Variants in NKAIN3 observed in about 807,000 individuals in gnomAD.
The protein encoded by NKAIN3 is sodium/potassium transporting ATPase interacting 3, also known as sodium/potassium-transporting ATPase subunit beta-1-interacting protein 3.
NKAIN3 carries 25 observed loss-of-function variants against 30.2 expected under a neutral mutation model. The observed-to-expected ratio is 0.83, with a 90% CI of 0.60 to 1.16. The LOEUF (loss-of-function observed/expected upper bound fraction) is 1.16, where lower values mean the gene tolerates loss of function less well. NKAIN3 is among the 50% of genes most tolerant of loss of function. The pLI, the probability that NKAIN3 is intolerant of heterozygous loss-of-function variation, is 0.00. For missense variants in NKAIN3, 225 were observed against 254.1 expected, an observed-to-expected ratio of 0.89 and a Z score of 0.78; for synonymous variants, 91 against 89.6, an observed-to-expected ratio of 1.02 and a Z score of -0.09.
chr8:62,927,088 T>C (rs1213170308), intron 5 of NKAIN3, among the ~76,000 whole-genome samples: 2 of 152,152 alleles, frequency 1.3e-5, no homozygotes, highest in Non-Finnish European at 2.9e-5. Flanking sequence ...GTCATACTCC[T>C]TTCCTCCACA....
chr8:62,940,934 GA>G (rs200290938), intron 5 of NKAIN3, among the ~76,000 whole-genome samples: 11,569 of 142,604 alleles, frequency 0.081, 433 homozygotes, highest in South Asian at 0.14. Context: ...CAAATATATT[GA>G]AAAAAAAAAA....
At chr8:62,343,553 G>T (rs1223640558) in intron 1 of NKAIN3, among the ~76,000 whole-genome samples, 1 of 151,894 alleles carries the variant, frequency 6.6e-6, no homozygotes, top group Non-Finnish European at 1.5e-5. Flanking sequence ...CACACACCTG[G>T]AATCTCAGCA....
At chr8:62,414,726 A>T (rs1401149556) in intron 1 of NKAIN3, among the ~76,000 whole-genome samples, 1 of 152,164 alleles carries the variant, frequency 6.6e-6, no homozygotes, top group Non-Finnish European at 1.5e-5. Flanking sequence ...CTTAGTCAGC[A>T]GTCAGTATTT....
chr8:62,763,276 C>A (rs1816731820), intron 4 of NKAIN3, among the ~76,000 whole-genome samples: 1 of 120,690 alleles, frequency 8.3e-6, no homozygotes, highest in Non-Finnish European at 1.8e-5. Context: ...TATAGTCAGC[C>A]TAAAAAGAAG....
intron 4 of NKAIN3, among the ~76,000 whole-genome samples, chr8:62,842,665 A>G (rs767366062): frequency 8.5e-5 from 13 of 152,148 alleles, no homozygotes; most frequent in Non-Finnish European, 1.5e-4. Context: ...AAACAGACAC[A>G]TCGACCTATG....
At chr8:62,354,586 G>A (rs1423132267) in intron 1 of NKAIN3, among the ~76,000 whole-genome samples, 1 of 152,142 alleles carries the variant, frequency 6.6e-6, no homozygotes, top group Non-Finnish European at 1.5e-5. Flanking sequence ...TGGGACTACA[G>A]GCATGTGCCA....
intron 3 of NKAIN3, among the ~76,000 whole-genome samples, chr8:62,672,681 C>G (rs1042319540): frequency 6.6e-6 from 1 of 152,136 alleles, no homozygotes; most frequent in African/African-American, 2.4e-5. Context: ...CTCATTGTCT[C>G]CCCCATTCCT....
chr8:62,978,050 G>A lies in NKAIN3; in HGVS notation c.*12643G>A. 1 of 161,834 alleles carries A rather than the reference G, an allele frequency of 6.2e-6. No homozygotes were observed. Among genetic ancestry groups the A allele is most frequent in the Non-Finnish European group, 1.3e-5 (1 of 76,018 alleles). The allele number at this position is 161,834 out of a possible 1,614,324, so 10.0% of individuals were successfully genotyped here. On this transcript the variant is annotated 3_prime_UTR_variant, in exon 7 of 7. Coordinates refer to ENST00000623646, the MANE Select transcript of NKAIN3 (RefSeq NM_001304533.3). ...ATGGGTATCACCAGCAGAGGCTGCA[G>A]AACAGCAAAGATTGCTGCCTCCTCC...
At chr8:62,943,520 C>A (rs188734793) in intron 5 of NKAIN3, among the ~76,000 whole-genome samples, 120 of 152,052 alleles carry the variant, frequency 7.9e-4, no homozygotes, top group African/African-American at 2.8e-3. Context: ...GCCATTTGAT[C>A]CAGCAATCCC....
intron 5 of NKAIN3, among the ~76,000 whole-genome samples, chr8:62,932,170 G>A (rs1260092251): frequency 1.3e-5 from 2 of 152,066 alleles, no homozygotes; most frequent in African/African-American, 2.4e-5. Context: ...AACAAAACAA[G>A]CATAAATAAA....
intron 1 of NKAIN3, chr8:62,344,706 C>G: frequency 4.1e-6 from 1 of 241,352 alleles, no homozygotes. Context: ...ATCCTGCAAC[C>G]CAGTTGCCTA....
intron 3 of NKAIN3, among the ~76,000 whole-genome samples, chr8:62,612,448 G>A (rs73263001): frequency 0.025 from 3,701 of 150,626 alleles, 147 homozygotes; most frequent in African/African-American, 0.086. Context: ...TTCTTTTTTG[G>A]TTTCCATTGG....
intron 4 of NKAIN3, among the ~76,000 whole-genome samples, chr8:62,789,581 G>A (rs556564730): frequency 2.0e-5 from 3 of 152,104 alleles, no homozygotes; most frequent in South Asian, 4.1e-4. Context: ...TTGAATAGGA[G>A]TGGTGAGAGA....
intron 4 of NKAIN3, among the ~76,000 whole-genome samples, chr8:62,881,527 A>C (rs558664394): frequency 1.3e-3 from 196 of 152,314 alleles, no homozygotes; most frequent in Non-Finnish European, 2.3e-3. Flanking sequence ...GACAAATAGC[A>C]CATCGCTCAA....
intron 4 of NKAIN3, among the ~76,000 whole-genome samples, chr8:62,917,336 G>A (rs539441649): frequency 6.6e-6 from 1 of 152,276 alleles, no homozygotes; most frequent in Admixed American, 6.5e-5. Flanking sequence ...CCCTCACCTG[G>A]CTTGAGGTGA....
At chr8:62,937,362 T>C (rs552062308) in intron 5 of NKAIN3, among the ~76,000 whole-genome samples, 1 of 152,152 alleles carries the variant, frequency 6.6e-6, no homozygotes, top group Admixed American at 6.6e-5. Context: ...GTGCCCAAAG[T>C]GTGAGAGGGG....
At position 62,973,252 on chromosome 8, in the gene NKAIN3, A is replaced by G. The variant is rs1036584968; in HGVS notation, c.*7845A>G. 1.3e-5 allele frequency among the ~76,000 whole-genome samples: 2 copies of G among 152,148 alleles called. No homozygotes were observed. The highest frequency in any genetic ancestry group is 4.8e-5 in the African/African-American group (2 of 41,454). On this transcript the variant is annotated 3_prime_UTR_variant, in exon 7 of 7. Transcript: ENST00000623646. ...ATCCTTGAGGAATTGCCACACTGTC[A>G]TCCACAATGGTTGAAGTAAATTACA...
intron 1 of NKAIN3, among the ~76,000 whole-genome samples, chr8:62,402,394 C>T (rs1231506168): frequency 2.0e-5 from 3 of 152,140 alleles, no homozygotes; most frequent in Non-Finnish European, 4.4e-5. Flanking sequence ...ACCTCAAGAG[C>T]CCATTTGGTG....
At chr8:62,567,520 A>G (rs555279995) in intron 1 of NKAIN3, among the ~76,000 whole-genome samples, 2 of 152,288 alleles carry the variant, frequency 1.3e-5, no homozygotes, top group South Asian at 2.1e-4. Context: ...CTGGAAATTG[A>G]AAGTTTTCCT....
Sources: gnomAD v4.1 joint callset for allele counts (sites outside exome capture counted in the v4.1 genomes callset) on GRCh38, gnomAD v4.1.1 for gene constraint, MANE v1.5 for transcripts, NCBI Gene and HGNC (gene_info 2026-07-23, HGNC 2026-07-21) for gene names.